The following SESTD1 variants were observed in gnomAD, a reference collection of about 807,000 sequenced individuals.
The protein encoded by SESTD1 is SEC14 domain and spectrin repeat-containing protein 1.
SESTD1 carries 43 observed loss-of-function variants against 101.7 expected under a neutral mutation model. That is an observed-to-expected ratio of 0.42 (90% confidence interval 0.33 to 0.55). The LOEUF (loss-of-function observed/expected upper bound fraction) is 0.55, where lower values mean the gene tolerates loss of function less well. Ranked by LOEUF, SESTD1 falls within the 20% of genes least tolerant of loss-of-function variation. SESTD1 has a pLI of 0.07. For missense variants in SESTD1, 647 were observed against 815.1 expected, an observed-to-expected ratio of 0.79 and a Z score of 2.51; for synonymous variants, 283 against 286.8, an observed-to-expected ratio of 0.99 and a Z score of 0.13.
intron 9 of SESTD1, among the ~76,000 whole-genome samples, chr2:179,143,129 A>G (rs948630590): frequency 2.6e-5 from 4 of 152,138 alleles, no homozygotes; most frequent in African/African-American, 9.6e-5. Flanking sequence ...TAAAATTCCT[A>G]ATAACTAAAT....
intron 1 of SESTD1, among the ~76,000 whole-genome samples, chr2:179,196,295 C>A (rs1030969506): frequency 6.6e-6 from 1 of 152,210 alleles, no homozygotes; most frequent in African/African-American, 2.4e-5. Flanking sequence ...GCACCTGGCT[C>A]GGAGGGTCCT....
In SESTD1 at chr2:179,108,373, A is replaced by T. The variant is rs2044431601; in HGVS notation, c.*1526T>A. ...GCTCAATGGTGTAAATGTTGCAGAGAAAAGGGTAAGGGATTCAGACGGAGA... is the reference window on the plus strand; with the variant it reads ...GCTCAATGGTGTAAATGTTGCAGAGTAAAGGGTAAGGGATTCAGACGGAGA... On this transcript the variant is annotated 3_prime_UTR_variant, in exon 18 of 18. Transcript: ENST00000428443. The T allele has an allele frequency of 6.6e-6, 1 of 152,212 alleles. No homozygotes were observed. Among genetic ancestry groups the T allele is most frequent in the South Asian group, 2.1e-4 (1 of 4,820 alleles). The allele number at this position is 152,212 out of a possible 1,614,324, so 9.4% of individuals were successfully genotyped here.
At chr2:179,176,413 A>G in intron 4 of SESTD1, 35 bp downstream of exon 4, 2 of 1,516,944 alleles carry the variant, frequency 1.3e-6, no homozygotes, top group South Asian at 2.3e-5. Flanking sequence ...GCTGTAAAAT[A>G]AAAACCATTT....
Position 179,105,941 on chromosome 2 carries a change from T to C in SESTD1, c.*3958A>G, listed in dbSNP as rs1365381810. The C allele has an allele frequency of 6.6e-6, 1 of 152,208 alleles. No homozygotes were observed. The highest frequency in any genetic ancestry group is 6.5e-5 in the Admixed American group (1 of 15,272). 9.4% of individuals were successfully genotyped at this position (152,208 alleles called of 1,614,324 possible). A position where few individuals can be genotyped will look rare whatever the true frequency, so the allele number is the denominator to read the frequency against. On this transcript the variant is annotated 3_prime_UTR_variant, in exon 18 of 18. Transcript: ENST00000428443. ...ATGCTTCTTAGCTAAACCTAGACTT[T>C]TCAGTAGCATGTATGAAAGTCAAAT...
intron 1 of SESTD1, among the ~76,000 whole-genome samples, chr2:179,198,254 A>T (rs1024044869): frequency 6.6e-6 from 1 of 152,166 alleles, no homozygotes; most frequent in African/African-American, 2.4e-5. Flanking sequence ...AAGAAGAGCT[A>T]AGTTCCTAAA....
At chr2:179,166,546 G>A (rs997604102) in intron 5 of SESTD1, among the ~76,000 whole-genome samples, 1 of 152,128 alleles carries the variant, frequency 6.6e-6, no homozygotes, top group Non-Finnish European at 1.5e-5. Context: ...TGGGGGAGGG[G>A]CAACATTACC....
intron 10 of SESTD1, among the ~76,000 whole-genome samples, chr2:179,129,610 G>GTC (rs2044962420): frequency 6.6e-6 from 1 of 152,116 alleles, no homozygotes; most frequent in South Asian, 2.1e-4. Flanking sequence ...ATGCAAGATT[G>GTC]TATGTTAAAA....
chr2:179,241,577 C>T (rs908562709), intron 1 of SESTD1, among the ~76,000 whole-genome samples: 7 of 151,846 alleles, frequency 4.6e-5, no homozygotes, highest in Admixed American at 2.6e-4. Flanking sequence ...GAAGATTGCT[C>T]GGGCCAGTTC....
intron 1 of SESTD1, among the ~76,000 whole-genome samples, chr2:179,214,807 A>T (rs1268842666): frequency 3.7e-5 from 5 of 135,410 alleles, no homozygotes; most frequent in Non-Finnish European, 4.8e-5. Context: ...CACAGTGCAA[A>T]CAAATTAGAA....
At chr2:179,257,790 G>A (rs115359474) in intron 1 of SESTD1, among the ~76,000 whole-genome samples, 4,237 of 152,248 alleles carry the variant, frequency 0.028, 79 homozygotes, top group Non-Finnish European at 0.046. Flanking sequence ...TAACAAAAAG[G>A]AAAACCCAGG....
At chr2:179,158,263 G>C (rs1192383917) in intron 5 of SESTD1, among the ~76,000 whole-genome samples, 1 of 152,160 alleles carries the variant, frequency 6.6e-6, no homozygotes, top group African/African-American at 2.4e-5. Flanking sequence ...GTTGTTATCT[G>C]ATACATTTAA....
intron 5 of SESTD1, among the ~76,000 whole-genome samples, chr2:179,165,427 G>A (rs1430593905): frequency 6.6e-6 from 1 of 152,174 alleles, no homozygotes; most frequent in Non-Finnish European, 1.5e-5. Flanking sequence ...GTTTAAGCAG[G>A]ATGTGACAGG....
At chr2:179,138,487 G>C (rs1352887657) in intron 9 of SESTD1, among the ~76,000 whole-genome samples, 3 of 152,026 alleles carry the variant, frequency 2.0e-5, no homozygotes, top group African/African-American at 7.2e-5. Flanking sequence ...AAAGTTGTCC[G>C]AATCAAAATG....
chr2:179,220,025 C>T (rs1324877876), intron 1 of SESTD1, among the ~76,000 whole-genome samples: 3 of 152,082 alleles, frequency 2.0e-5, no homozygotes, highest in Admixed American at 1.3e-4. Context: ...TACTGCTAAT[C>T]CACCTTAAGA....
chr2:179,250,503 T>C (rs1425933596), intron 1 of SESTD1, among the ~76,000 whole-genome samples: 1 of 152,188 alleles, frequency 6.6e-6, no homozygotes, highest in Non-Finnish European at 1.5e-5. Context: ...AGTCCACGAT[T>C]AAGGTGTCAG....
At chr2:179,195,383 T>C (rs2046374687) in intron 1 of SESTD1, among the ~76,000 whole-genome samples, 1 of 152,236 alleles carries the variant, frequency 6.6e-6, no homozygotes, top group Non-Finnish European at 1.5e-5. Context: ...GTCTGCTTCC[T>C]CTTCTACCAT....
intron 1 of SESTD1, among the ~76,000 whole-genome samples, chr2:179,224,364 C>A (rs1302311603): frequency 6.6e-6 from 1 of 152,106 alleles, no homozygotes; most frequent in Non-Finnish European, 1.5e-5. Context: ...TTAACCTGCC[C>A]AACGTTATGC....
intron 5 of SESTD1, among the ~76,000 whole-genome samples, chr2:179,170,961 TA>T (rs374073503): frequency 3.3e-4 from 51 of 152,328 alleles, no homozygotes; most frequent in African/African-American, 1.2e-3. Context: ...ATAAAGCCAG[TA>T]AATGTTAGTA....
intron 1 of SESTD1, among the ~76,000 whole-genome samples, chr2:179,194,504 A>AT (rs1477828523): frequency 1.3e-5 from 2 of 152,046 alleles, no homozygotes; most frequent in African/African-American, 4.8e-5. Flanking sequence ...CATGTATATT[A>AT]TTTTTTACCA....
Sources: gnomAD v4.1 joint callset for allele counts (sites outside exome capture counted in the v4.1 genomes callset) on GRCh38, gnomAD v4.1.1 for gene constraint, MANE v1.5 for transcripts, NCBI Gene and HGNC (gene_info 2026-07-23, HGNC 2026-07-21) for gene names.